The following NRXN3 variants were observed in gnomAD, a reference collection of about 807,000 sequenced individuals.
NRXN3 encodes neurexin 3.
A neutral mutation model predicts 137.6 loss-of-function variants in NRXN3; 32 were observed. The ratio of observed to expected loss-of-function variants is 0.23; its 90% CI spans 0.18 to 0.31. NRXN3 has a LOEUF of 0.31. Ranked by LOEUF, NRXN3 falls within the 10% of genes least tolerant of loss-of-function variation. The pLI is 1.00. For synonymous variants in NRXN3, 798 were observed against 784.5 expected (o/e 1.02, Z -0.29); for missense variants, 1,574 against 2,062.5 (o/e 0.76, Z 4.59).
At chr14:78,248,310 C>CA (rs1567073141) in intron 2 of NRXN3, among the ~76,000 whole-genome samples, 1 of 37,204 alleles carries the variant, frequency 2.7e-5, no homozygotes, top group Non-Finnish European at 7.3e-5. Flanking sequence ...CCGCCCCCCC[C>CA]CCCCCCACCC....
intron 20 of NRXN3, among the ~76,000 whole-genome samples, chr14:79,813,396 C>T (rs2099241639): frequency 6.6e-6 from 1 of 152,022 alleles, no homozygotes; most frequent in Non-Finnish European, 1.5e-5. Flanking sequence ...TGTTGTTTCA[C>T]CTCATCTTGT....
At chr14:79,499,992 T>TG (rs1567302849) in intron 16 of NRXN3, among the ~76,000 whole-genome samples, 2 of 144,100 alleles carry the variant, frequency 1.4e-5, no homozygotes, top group African/African-American at 2.5e-5. Flanking sequence ...TGTGTGTGTG[T>TG]TAAAGGACGA....
At position 79,663,848 on chromosome 14, in the gene NRXN3, C is replaced by T; in HGVS notation, c.3515C>T (p.Pro1172Leu). The T allele has an allele frequency of 2.5e-6, 4 of 1,613,476 alleles. No homozygotes were observed. Among genetic ancestry groups the T allele is most frequent in the Non-Finnish European group, 3.4e-6 (4 of 1,179,674 alleles). ...ATCTCCATCAAAGAGGAGAGAACCC[C>T]TGTAAATGACGGCAAATACCATGTG... ...VDISIKEERT[P>L]VNDGKYHVVR... Residue 1172 changes from proline (P) to leucine (L), a missense_variant, in exon 17 of 21, where the codon CCT becomes CTT. Transcript: ENST00000335750.
intron 8 of NRXN3, among the ~76,000 whole-genome samples, chr14:78,748,179 A>C (rs1268025649): frequency 6.6e-6 from 1 of 152,002 alleles, no homozygotes; most frequent in East Asian, 1.9e-4. Context: ...ATCAGACAGA[A>C]CCCCTTTCTT....
chr14:78,995,411 G>A (rs559211356), intron 15 of NRXN3, among the ~76,000 whole-genome samples: 9 of 152,278 alleles, frequency 5.9e-5, no homozygotes, highest in South Asian at 4.1e-4. Context: ...CACGGTGGAC[G>A]AGACCACTAA....
intron 10 of NRXN3, among the ~76,000 whole-genome samples, chr14:78,830,627 T>A (rs748650492): frequency 6.6e-6 from 1 of 152,044 alleles, no homozygotes; most frequent in African/African-American, 2.4e-5. Flanking sequence ...GTAACTGATA[T>A]AATGCCACAG....
chr14:79,041,382 G>A (rs1381335238), intron 15 of NRXN3, among the ~76,000 whole-genome samples: 1 of 152,144 alleles, frequency 6.6e-6, no homozygotes, highest in Non-Finnish European at 1.5e-5. Context: ...TTAAAGTCAA[G>A]GAGCAGATCC....
intron 15 of NRXN3, among the ~76,000 whole-genome samples, chr14:79,336,804 C>T (rs1439393253): frequency 6.6e-6 from 1 of 152,160 alleles, no homozygotes; most frequent in Non-Finnish European, 1.5e-5. Context: ...TGGTTTCCAT[C>T]CACACATTCT....
intron 4 of NRXN3, among the ~76,000 whole-genome samples, chr14:78,473,978 T>C (rs1226551522): frequency 6.6e-6 from 1 of 152,192 alleles, no homozygotes; most frequent in Non-Finnish European, 1.5e-5. Context: ...ATTTCCTCAA[T>C]GTCCTGTTGA....
chr14:79,086,876 A>G (rs1451586933), intron 15 of NRXN3, among the ~76,000 whole-genome samples: 1 of 152,216 alleles, frequency 6.6e-6, no homozygotes, highest in Non-Finnish European at 1.5e-5. Flanking sequence ...TATGAAAGTA[A>G]AAAGCTTTTA....
At chr14:79,561,693 C>G (rs1567508853) in intron 16 of NRXN3, among the ~76,000 whole-genome samples, 2 of 151,968 alleles carry the variant, frequency 1.3e-5, no homozygotes, top group African/African-American at 4.8e-5. Flanking sequence ...TTTCCTCATG[C>G]TTTCATCAAA....
intron 1 of NRXN3, among the ~76,000 whole-genome samples, chr14:78,186,437 C>G (rs536359108): frequency 7.2e-5 from 11 of 152,292 alleles, no homozygotes; most frequent in Non-Finnish European, 1.5e-4. Context: ...ATGCATAGCT[C>G]CTCTAGGATT....
At chr14:79,831,886 G>C (rs1228482373) in intron 20 of NRXN3, among the ~76,000 whole-genome samples, 1 of 152,038 alleles carries the variant, frequency 6.6e-6, no homozygotes, top group South Asian at 2.1e-4. Context: ...CATGTCTTCT[G>C]TGAGCCCCCC....
At chr14:79,814,309 T>C (rs944371583) in intron 20 of NRXN3, among the ~76,000 whole-genome samples, 1 of 152,250 alleles carries the variant, frequency 6.6e-6, no homozygotes, top group African/African-American at 2.4e-5. Flanking sequence ...TTGTCCACTG[T>C]CGTGGTGTTG....
At chr14:79,357,740 G>T (rs898803160) in intron 15 of NRXN3, among the ~76,000 whole-genome samples, 1 of 152,106 alleles carries the variant, frequency 6.6e-6, no homozygotes, top group African/African-American at 2.4e-5. Context: ...ACCTTTAGAA[G>T]GATTCAGAAA....
chr14:78,523,436 C>A (rs1343259807), intron 4 of NRXN3, among the ~76,000 whole-genome samples: 1 of 152,068 alleles, frequency 6.6e-6, no homozygotes, highest in Non-Finnish European at 1.5e-5. Context: ...ACTTTCTCTG[C>A]CTCATAAATC....
At chr14:79,591,635 T>G (rs2097804228) in intron 16 of NRXN3, among the ~76,000 whole-genome samples, 1 of 152,222 alleles carries the variant, frequency 6.6e-6, no homozygotes, top group Non-Finnish European at 1.5e-5. Context: ...ATTTTCATGT[T>G]TCTTTCAGTT....
At chr14:78,801,124 A>G (rs924769569) in intron 8 of NRXN3, among the ~76,000 whole-genome samples, 2 of 152,234 alleles carry the variant, frequency 1.3e-5, no homozygotes, top group African/African-American at 4.8e-5. Flanking sequence ...GATTGAGGCC[A>G]TCCTGGCTAA....
chr14:79,763,190 G>T (rs1475303793), intron 19 of NRXN3, among the ~76,000 whole-genome samples: 2 of 151,582 alleles, frequency 1.3e-5, no homozygotes, highest in Non-Finnish European at 2.9e-5. Flanking sequence ...TCCCTGCAAA[G>T]GATATGAACT....
Sources: allele counts gnomAD v4.1 joint callset (sites outside exome capture counted in the v4.1 genomes callset), GRCh38; gene constraint gnomAD v4.1.1; transcripts MANE v1.5; gene names NCBI Gene and HGNC (gene_info 2026-07-23, HGNC 2026-07-21).